RNGTT: variants seen among roughly 807,000 people sequenced by gnomAD.
RNGTT encodes the protein mRNA-capping enzyme.
In RNGTT, 33 loss-of-function variants were observed where a neutral mutation model predicts 79.3. The ratio of observed to expected loss-of-function variants is 0.42; its 90% CI spans 0.32 to 0.56. The LOEUF (loss-of-function observed/expected upper bound fraction) is 0.56. RNGTT is among the 20% of genes least tolerant of loss of function. RNGTT has a pLI of 0.17. For synonymous variants in RNGTT, 222 were observed against 235.9 expected (o/e 0.94, Z 0.54); for missense variants, 497 against 739.1 (o/e 0.67, Z 3.80).
intron 13 of RNGTT, among the ~76,000 whole-genome samples, chr6:88,742,565 A>G (rs1235163863): frequency 6.6e-6 from 1 of 152,212 alleles, no homozygotes; most frequent in Non-Finnish European, 1.5e-5. Flanking sequence ...TGGGGGAAAG[A>G]AAGGCTTGTT....
chr6:88,919,862 G>C (rs936222617), intron 4 of RNGTT, among the ~76,000 whole-genome samples: 4 of 151,938 alleles, frequency 2.6e-5, no homozygotes, highest in African/African-American at 9.6e-5. Flanking sequence ...GGCTAATTTT[G>C]TATTTTTAGT....
intron 13 of RNGTT, among the ~76,000 whole-genome samples, chr6:88,742,382 C>A (rs1044863060): frequency 6.6e-6 from 1 of 152,122 alleles, no homozygotes; most frequent in African/African-American, 2.4e-5. Flanking sequence ...TTTTAAAAGA[C>A]CTAAAACAAC....
At chr6:88,654,518 G>A (rs964649510) in intron 14 of RNGTT, among the ~76,000 whole-genome samples, 7 of 152,098 alleles carry the variant, frequency 4.6e-5, no homozygotes, top group African/African-American at 1.2e-4. Flanking sequence ...TTGAGAATTC[G>A]TACTTTTGAA....
At chr6:88,791,140 C>CTTTT (rs66559856) in intron 12 of RNGTT, among the ~76,000 whole-genome samples, 205 of 120,792 alleles carry the variant, frequency 1.7e-3, no homozygotes, top group African/African-American at 5.8e-3. Context: ...TCACAAGTAC[C>CTTTT]TTTTTTTTTT....
chr6:88,852,518 T>C (rs1377613147), intron 9 of RNGTT, among the ~76,000 whole-genome samples: 1 of 152,138 alleles, frequency 6.6e-6, no homozygotes, highest in African/African-American at 2.4e-5. Context: ...TCACATTAAC[T>C]ATGATAGTTA....
intron 13 of RNGTT, among the ~76,000 whole-genome samples, chr6:88,681,566 T>C (rs1350652691): frequency 6.6e-6 from 1 of 152,166 alleles, no homozygotes; most frequent in African/African-American, 2.4e-5. Flanking sequence ...TTAAATACTT[T>C]TAACTTTCAA....
chr6:88,624,819 C>T (rs947550322), intron 14 of RNGTT, among the ~76,000 whole-genome samples: 2 of 151,652 alleles, frequency 1.3e-5, no homozygotes, highest in Non-Finnish European at 3.0e-5. Flanking sequence ...TTGCAAATCA[C>T]ATATCTGACA....
intron 8 of RNGTT, among the ~76,000 whole-genome samples, chr6:88,887,729 G>A (rs930971983): frequency 6.6e-6 from 1 of 152,130 alleles, no homozygotes; most frequent in Non-Finnish European, 1.5e-5. Flanking sequence ...ATCAACAAAA[G>A]TTGGATGGCA....
intron 13 of RNGTT, among the ~76,000 whole-genome samples, chr6:88,706,625 A>T (rs541131585): frequency 5.9e-5 from 9 of 152,156 alleles, no homozygotes; most frequent in Non-Finnish European, 1.3e-4. Flanking sequence ...GTAATACCTG[A>T]AAATGGCATG....
intron 11 of RNGTT, among the ~76,000 whole-genome samples, chr6:88,809,561 A>G (rs1157614439): frequency 6.6e-6 from 1 of 152,212 alleles, no homozygotes; most frequent in Non-Finnish European, 1.5e-5. Flanking sequence ...AGATGTCAAT[A>G]TTTGGAAAGT....
At chr6:88,788,050 A>C (rs1243241280) in intron 12 of RNGTT, among the ~76,000 whole-genome samples, 1 of 152,212 alleles carries the variant, frequency 6.6e-6, no homozygotes, top group Non-Finnish European at 1.5e-5. Context: ...CTATCCACAG[A>C]AAAATCATAA....
At chr6:88,728,007 G>A (rs892395259) in intron 13 of RNGTT, among the ~76,000 whole-genome samples, 1 of 152,116 alleles carries the variant, frequency 6.6e-6, no homozygotes, top group Admixed American at 6.5e-5. Context: ...GCTAACCACC[G>A]ATAATGCTGT....
chr6:88,705,606 G>A (rs1241954918), intron 13 of RNGTT, among the ~76,000 whole-genome samples: 2 of 152,048 alleles, frequency 1.3e-5, no homozygotes, highest in African/African-American at 2.4e-5. Context: ...CCTTAATTTA[G>A]TTCAAGAAAA....
rs532118566 is a variant in RNGTT at position 88,704,041 on chromosome 6, C to T, written c.1440-25622G>A. On this transcript the variant is annotated intron_variant, in intron 13 of 15. Coordinates refer to ENST00000369485, the MANE Select transcript of RNGTT (RefSeq NM_003800.5). ...TTGGGAGGCTTAGGCGGGCGGATCACGAGGTCAGGAGATCAAGACCATGCT... is the reference window on the plus strand; with the variant it reads ...TTGGGAGGCTTAGGCGGGCGGATCATGAGGTCAGGAGATCAAGACCATGCT... Among the ~76,000 whole-genome samples the T allele has an allele frequency of 2.6e-5, 4 of 152,018 alleles. No individual in the cohort carries two copies. In the East Asian group the frequency reaches 5.8e-4, roughly 22 times the overall value.
At chr6:88,769,913 G>GT in intron 12 of RNGTT, 39 bp from the exon 13 acceptor site, 1 of 1,399,614 alleles carries the variant, frequency 7.1e-7, no homozygotes, top group East Asian at 2.3e-5. Flanking sequence ...TTACTAAGAA[G>GT]TTAAAAATTA....
At chr6:88,743,889 T>A (rs1157561528) in intron 13 of RNGTT, among the ~76,000 whole-genome samples, 1 of 152,196 alleles carries the variant, frequency 6.6e-6, no homozygotes, top group African/African-American at 2.4e-5. Flanking sequence ...ACAGCAGCCA[T>A]GCCAATAGTT....
At chr6:88,871,349 CAG>C (rs1582565273) in intron 8 of RNGTT, among the ~76,000 whole-genome samples, 2 of 151,364 alleles carry the variant, frequency 1.3e-5, no homozygotes, top group African/African-American at 4.9e-5. Flanking sequence ...GAAATAATAG[CAG>C]AGTTTTTTTT....
At chr6:88,768,801 A>C (rs1470106981) in intron 13 of RNGTT, among the ~76,000 whole-genome samples, 1 of 152,220 alleles carries the variant, frequency 6.6e-6, no homozygotes, top group African/African-American at 2.4e-5. Flanking sequence ...CTTTGGAAAA[A>C]TGTTGAAAAT....
intron 12 of RNGTT, among the ~76,000 whole-genome samples, chr6:88,784,119 G>A (rs1779154047): frequency 6.6e-6 from 1 of 152,090 alleles, no homozygotes; most frequent in South Asian, 2.1e-4. Context: ...ATTTCCCAGG[G>A]GAAGTAAAAT....
Sources: gnomAD v4.1 joint callset for allele counts (sites outside exome capture counted in the v4.1 genomes callset) on GRCh38, gnomAD v4.1.1 for gene constraint, MANE v1.5 for transcripts, NCBI Gene and HGNC (gene_info 2026-07-23, HGNC 2026-07-21) for gene names.